Variants in DCDC2 observed in about 807,000 individuals in gnomAD.
DCDC2 encodes the protein doublecortin domain-containing protein 2.
A neutral mutation model predicts 50.2 loss-of-function variants in DCDC2; 40 were observed. The observed-to-expected ratio is 0.80, with a 90% CI of 0.62 to 1.04. The LOEUF (loss-of-function observed/expected upper bound fraction) is 1.04. DCDC2 is among the 50% of genes least tolerant of loss of function. DCDC2 has a pLI of 0.00. For missense variants in DCDC2, 570 were observed against 581.9 expected (o/e 0.98, Z 0.21); for synonymous variants, 234 against 210.6 (o/e 1.11, Z -0.96).
chr6:24,259,942 T>A (rs975603207), intron 7 of DCDC2, among the ~76,000 whole-genome samples: 25 of 152,316 alleles, frequency 1.6e-4, no homozygotes, highest in African/African-American at 6.0e-4. Flanking sequence ...CTCACCATGT[T>A]GACAATAAAA....
intron 6 of DCDC2, among the ~76,000 whole-genome samples, chr6:24,283,105 T>C (rs1248903612): frequency 6.6e-6 from 1 of 152,178 alleles, no homozygotes; most frequent in Non-Finnish European, 1.5e-5. Flanking sequence ...TCAAATACTT[T>C]CCTAATTTTT....
chr6:24,276,423 A>AAG (rs1385300172), intron 7 of DCDC2, among the ~76,000 whole-genome samples: 1 of 151,984 alleles, frequency 6.6e-6, no homozygotes, highest in Non-Finnish European at 1.5e-5. Context: ...ACAAAAAAAA[A>AAG]AAAATGAAAA....
rs34907724 is a variant in DCDC2, at chr6:24,302,294, GAAA to G, written c.349-253_349-251del. 0.034 allele frequency among the ~76,000 whole-genome samples: 4,755 copies of G among 138,734 alleles called. 230 individuals are homozygous for G. Among genetic ancestry groups the G allele is most frequent in the African/African-American group, 0.12 (4,368 of 37,438 alleles). 91.0% of individuals were successfully genotyped at this position (138,734 alleles called of 152,430 possible). ...CTAGGCACACTGCTCATGATCTGTG[GAAA>G]AAAAAAAAAAACAGAAATCATTTTC... On this transcript the variant is annotated intron_variant, in intron 2 of 9. Coordinates refer to ENST00000378454, the MANE Select transcript of DCDC2 (RefSeq NM_016356.5).
At chr6:24,359,675 T>G (rs1489809692), upstream of DCDC2, among the ~76,000 whole-genome samples, 1 of 147,862 alleles carries the variant, frequency 6.8e-6, no homozygotes, top group African/African-American at 2.5e-5. Context: ...GGCAGGAGGC[T>G]CACTTGAGCC....
At chr6:24,175,087 C>T (rs978081968) in intron 9 of DCDC2, among the ~76,000 whole-genome samples, 1 of 143,220 alleles carries the variant, frequency 7.0e-6, no homozygotes, top group Non-Finnish European at 1.5e-5. Context: ...ATTTTGTATG[C>T]TGCAGGCTTT....
chr6:24,359,449 A>G (rs1373537962), upstream of DCDC2, among the ~76,000 whole-genome samples: 2 of 55,844 alleles, frequency 3.6e-5, no homozygotes, highest in African/African-American at 1.6e-4. Context: ...TATATAGTAT[A>G]TATATTTATA....
chr6:24,232,780 A>C (rs1171279648), intron 7 of DCDC2, among the ~76,000 whole-genome samples: 1 of 152,200 alleles, frequency 6.6e-6, no homozygotes, highest in East Asian at 1.9e-4. Context: ...GTCAGTGCTC[A>C]ATAAATAATG....
At chr6:24,359,394 TTA>T (rs1438754549), upstream of DCDC2, among the ~76,000 whole-genome samples, 16 of 75,046 alleles carry the variant, frequency 2.1e-4, 2 homozygotes, top group African/African-American at 6.4e-4. Flanking sequence ...ATATTATATA[TTA>T]TATATATTTT....
At chr6:24,189,760 A>G (rs886981693) in intron 8 of DCDC2, among the ~76,000 whole-genome samples, 5 of 152,194 alleles carry the variant, frequency 3.3e-5, no homozygotes, top group African/African-American at 1.2e-4. Context: ...GGAGATCAAT[A>G]AAAATGAAAA....
intron 4 of DCDC2, among the ~76,000 whole-genome samples, chr6:24,298,131 C>A (rs1482381749): frequency 1.3e-5 from 2 of 152,200 alleles, no homozygotes; most frequent in Admixed American, 1.3e-4. Flanking sequence ...GAATTAGATT[C>A]TCATAAGGAA....
rs190784796 is a variant in DCDC2 at position 24,340,213 on chromosome 6, C to G, written c.348+13356G>C. Among the ~76,000 whole-genome samples the G allele has an allele frequency of 5.9e-5, 9 of 152,256 alleles. No homozygotes were observed. In the East Asian group the frequency reaches 1.7e-3, roughly 29 times the overall value. On this transcript the variant is annotated intron_variant, in intron 2 of 9. Coordinates refer to ENST00000378454, the MANE Select transcript of DCDC2 (RefSeq NM_016356.5). ...GTTTGCCTGGTGAACATACTCATTC[C>G]CTTTAGGTCACAATGTATACATCAT... is the stretch of plus-strand genomic sequence containing the variant.
At chr6:24,276,926 C>T (rs1763371632) in intron 7 of DCDC2, among the ~76,000 whole-genome samples, 1 of 152,200 alleles carries the variant, frequency 6.6e-6, no homozygotes, top group South Asian at 2.1e-4. Flanking sequence ...ATCTAGGACT[C>T]CTGACTTCCA....
At chr6:24,327,937 C>T (rs1759903707) in intron 2 of DCDC2, among the ~76,000 whole-genome samples, 1 of 152,096 alleles carries the variant, frequency 6.6e-6, no homozygotes, top group Non-Finnish European at 1.5e-5. Context: ...TTCTTTGATG[C>T]CCAACATGTG....
intron 7 of DCDC2, among the ~76,000 whole-genome samples, chr6:24,277,738 C>T (rs755368930): frequency 6.6e-6 from 1 of 151,970 alleles, no homozygotes; most frequent in African/African-American, 2.4e-5. Context: ...AGACCAATAT[C>T]ATAGTAGTTG....
At chr6:24,236,353 T>A (rs1433487735) in intron 7 of DCDC2, among the ~76,000 whole-genome samples, 2 of 152,178 alleles carry the variant, frequency 1.3e-5, no homozygotes, top group Non-Finnish European at 2.9e-5. Flanking sequence ...ATTCGACACA[T>A]GGTGCTGGGA....
intron 7 of DCDC2, among the ~76,000 whole-genome samples, chr6:24,252,689 A>G (rs1231929127): frequency 6.6e-6 from 1 of 152,230 alleles, no homozygotes; most frequent in Non-Finnish European, 1.5e-5. Flanking sequence ...ACAAAATCAA[A>G]GAAATCTGAC....
intron 7 of DCDC2, among the ~76,000 whole-genome samples, chr6:24,242,853 A>G (rs1477746877): frequency 1.3e-5 from 2 of 151,946 alleles, no homozygotes; most frequent in Non-Finnish European, 2.9e-5. Flanking sequence ...TCCCAGCTAC[A>G]TAGGAGGCTG....
intron 7 of DCDC2, among the ~76,000 whole-genome samples, chr6:24,216,183 C>G (rs1475101369): frequency 6.6e-6 from 1 of 151,980 alleles, no homozygotes; most frequent in African/African-American, 2.4e-5. Context: ...TGGGAACAGT[C>G]AGAATACCAT....
At chr6:24,285,039 C>A (rs989147141) in intron 6 of DCDC2, among the ~76,000 whole-genome samples, 2 of 152,030 alleles carry the variant, frequency 1.3e-5, no homozygotes, top group Admixed American at 1.3e-4. Context: ...CCCTCCCCCC[C>A]ACACACACAT....
Sources: allele counts gnomAD v4.1 joint callset (sites outside exome capture counted in the v4.1 genomes callset), GRCh38; gene constraint gnomAD v4.1.1; transcripts MANE v1.5; gene names NCBI Gene and HGNC (gene_info 2026-07-23, HGNC 2026-07-21).